Variants in ING3 observed in about 807,000 individuals in gnomAD.
ING3 encodes inhibitor of growth protein 3.
In ING3, 6 loss-of-function variants were observed where a neutral mutation model predicts 64.8. The observed-to-expected ratio is 0.09, with a 90% CI of 0.05 to 0.18. ING3 has a LOEUF of 0.18. Among genes scored for constraint, ING3 ranks in the 10% least tolerant of loss-of-function variants. The pLI, the probability that ING3 is intolerant of heterozygous loss-of-function variation, is 1.00. For missense variants in ING3, 310 were observed against 489.7 expected, an observed-to-expected ratio of 0.63 and a Z score of 3.46; for synonymous variants, 170 against 173.7, an observed-to-expected ratio of 0.98 and a Z score of 0.17.
chr7:120,959,630 A>ATTTTTTTTTT (rs397889009), intron 4 of ING3, among the ~76,000 whole-genome samples: 6 of 55,702 alleles, frequency 1.1e-4, no homozygotes, highest in East Asian at 5.5e-4. Flanking sequence ...ACTTCCTCAC[A>ATTTTTTTTTT]TTTTTTTTTT....
intron 4 of ING3, among the ~76,000 whole-genome samples, chr7:120,964,473 G>C (rs2525719): frequency 6.6e-6 from 1 of 151,830 alleles, no homozygotes; most frequent in Non-Finnish European, 1.5e-5. Context: ...TTCATGTCCT[G>C]ACTTCTGAAA....
intron 2 of ING3, 29 bp downstream of exon 2, chr7:120,951,264 C>A: frequency 6.2e-7 from 1 of 1,606,934 alleles, no homozygotes; most frequent in Non-Finnish European, 8.5e-7. Flanking sequence ...TACTCCTGTT[C>A]GCTGCGCGCG....
chr7:120,961,471 C>T (rs753834814), intron 4 of ING3, among the ~76,000 whole-genome samples: 4 of 152,146 alleles, frequency 2.6e-5, no homozygotes, highest in Non-Finnish European at 5.9e-5. Flanking sequence ...GTATTGGAAG[C>T]AGTAGATCAT....
rs2721373 is a variant in ING3, at chr7:120,967,290, G to A, written c.437-239G>A. Among the ~76,000 whole-genome samples the A allele has an allele frequency of 2.6e-3, 398 of 152,242 alleles. 1 individual carries two copies. The highest frequency in any genetic ancestry group is 9.3e-3 in the African/African-American group (388 of 41,556). On this transcript the variant is annotated intron_variant, in intron 6 of 11. Coordinates refer to ENST00000315870, the MANE Select transcript of ING3 (RefSeq NM_019071.3). ...CCCTCACATTGTATGTGAGCCCATG[G>A]TGTATCTTGGGTTATCTTTAGTACT...
At position 120,973,664 on chromosome 7, in the gene ING3, C is replaced by G. The variant is rs557389971; in HGVS notation, c.1140+421C>G. ...GGATCTAATGTGAGATTATCTTCCTCTCATGAGTATAATATTTTTTCCTGT... is the reference window on the plus strand; with the variant it reads ...GGATCTAATGTGAGATTATCTTCCTGTCATGAGTATAATATTTTTTCCTGT... On this transcript the variant is annotated intron_variant, in intron 11 of 11. Transcript: ENST00000315870. Among the ~76,000 whole-genome samples, 4 of 152,232 alleles carry G rather than the reference C, an allele frequency of 2.6e-5. No homozygotes were observed. In the South Asian group the frequency reaches 8.3e-4, roughly 32 times the overall value.
intron 4 of ING3, among the ~76,000 whole-genome samples, chr7:120,958,682 C>T (rs1795886319): frequency 6.6e-6 from 1 of 152,238 alleles, no homozygotes; most frequent in African/African-American, 2.4e-5. Flanking sequence ...ATCTTTGCTT[C>T]ATCACTTATG....
At chr7:120,965,757 T>C (rs1795989362) in intron 5 of ING3, among the ~76,000 whole-genome samples, 1 of 152,206 alleles carries the variant, frequency 6.6e-6, no homozygotes, top group African/African-American at 2.4e-5. Flanking sequence ...CATAGTTGCA[T>C]TTTTGTGTTC....
intron 4 of ING3, among the ~76,000 whole-genome samples, chr7:120,961,375 T>C (rs1795931032): frequency 1.3e-5 from 2 of 152,182 alleles, no homozygotes; most frequent in South Asian, 4.1e-4. Flanking sequence ...TTTAACTTAC[T>C]GCTGTCTATT....
Position 120,975,833 on chromosome 7 carries a change from G to T in ING3, c.*989G>T, listed in dbSNP as rs1006059956. ...AGAATACAGGAAAGACATTTTTAAT[G>T]TAAATTTGAAATGCCAATGTATTTT... is the stretch of plus-strand genomic sequence containing the variant. On this transcript the variant is annotated 3_prime_UTR_variant, in exon 12 of 12. Coordinates refer to ENST00000315870, the MANE Select transcript of ING3 (RefSeq NM_019071.3). 2.6e-5 allele frequency: 4 copies of T among 152,144 alleles called. No homozygotes were observed. Among genetic ancestry groups the T allele is most frequent in the African/African-American group, 9.7e-5 (4 of 41,442 alleles). 9.4% of individuals were successfully genotyped at this position (152,144 alleles called of 1,614,324 possible).
intron 10 of ING3, among the ~76,000 whole-genome samples, chr7:120,972,013 T>A (rs1419877912): frequency 6.6e-6 from 1 of 152,164 alleles, no homozygotes; most frequent in Non-Finnish European, 1.5e-5. Flanking sequence ...TTTGACCATT[T>A]TTGTTTTTTA....
chr7:120,969,973 A>G (rs941194943), intron 9 of ING3, among the ~76,000 whole-genome samples: 1 of 152,182 alleles, frequency 6.6e-6, no homozygotes. Context: ...ATTTCTTATG[A>G]TAAAGTTCTA....
chr7:120,951,008 A>G, intron 1 of ING3, 84 bp downstream of exon 1: 9 of 619,430 alleles, frequency 1.5e-5, no homozygotes, highest in Non-Finnish European at 2.3e-5. Flanking sequence ...AGATGGCGGG[A>G]GGGAGGGGGC....
At chr7:120,960,839 T>TA (rs1795924055) in intron 4 of ING3, among the ~76,000 whole-genome samples, 1 of 152,198 alleles carries the variant, frequency 6.6e-6, no homozygotes, top group Admixed American at 6.5e-5. Flanking sequence ...GTTAAATACT[T>TA]ATTTGTGTTT....
At chr7:120,958,127 C>G (rs1396816326) in intron 4 of ING3, among the ~76,000 whole-genome samples, 1 of 152,152 alleles carries the variant, frequency 6.6e-6, no homozygotes, top group African/African-American at 2.4e-5. Flanking sequence ...TCTGAGGCTT[C>G]TTTTTGTCTT....
rs778248054 is a variant in ING3 at position 120,977,040 on chromosome 7, A to G, written c.*2196A>G. ...ATAGTAAGTATTTTTGGTATTATAA[A>G]ATACACATTCAAAATCTCTGTTGTA... On this transcript the variant is annotated 3_prime_UTR_variant, in exon 12 of 12. Transcript: ENST00000315870. The G allele has an allele frequency of 2.0e-5, 3 of 152,206 alleles. No individual in the cohort carries two copies. Among genetic ancestry groups the G allele is most frequent in the Non-Finnish European group, 4.4e-5 (3 of 68,042 alleles). 9.4% of individuals were successfully genotyped at this position (152,206 alleles called of 1,614,324 possible). A position where few individuals can be genotyped will look rare whatever the true frequency, so the allele number is the denominator to read the frequency against.
intron 4 of ING3, 194 bp downstream of exon 4, chr7:120,955,818 G>GTACATTAA: frequency 1.7e-6 from 1 of 596,700 alleles, no homozygotes; most frequent in Non-Finnish European, 3.0e-6. Context: ...TAGTTAATGT[G>GTACATTAA]GTGAGAACTG....
Position 120,974,952 on chromosome 7 carries a change from C to T in ING3, c.*108C>T, listed in dbSNP as rs567907827. ...GAAACAATGCATTTCCAGGCAACCA[C>T]TTAAAGGATTTACATAGACAATCCT... On this transcript the variant is annotated 3_prime_UTR_variant, in exon 12 of 12. Coordinates refer to ENST00000315870, the MANE Select transcript of ING3 (RefSeq NM_019071.3). 1 of 687,584 alleles carries T rather than the reference C, an allele frequency of 1.5e-6. No individual in the cohort carries two copies. The highest frequency in any genetic ancestry group is 2.9e-5 in the Admixed American group (1 of 35,020). The allele number at this position is 687,584 out of a possible 1,614,324, so 42.6% of individuals were successfully genotyped here. A position where few individuals can be genotyped will look rare whatever the true frequency, so the allele number is the denominator to read the frequency against.
In ING3 at chr7:120,974,998, T is replaced by G; in HGVS notation, c.*154T>G. 4 of 468,430 alleles carry G rather than the reference T, an allele frequency of 8.5e-6. No homozygotes were observed. The South Asian group carries it at 1.1e-4, about 13-fold the overall frequency. The allele number at this position is 468,430 out of a possible 1,614,324, so 29.0% of individuals were successfully genotyped here. Reference sequence around the variant, plus strand: ...ATCCTATAAGATCTTGAACTTGAATTTTATGGGTTGTATTTTAATAATGTA... The same window carrying G: ...ATCCTATAAGATCTTGAACTTGAATGTTATGGGTTGTATTTTAATAATGTA... On this transcript the variant is annotated 3_prime_UTR_variant, in exon 12 of 12. Coordinates refer to ENST00000315870, the MANE Select transcript of ING3 (RefSeq NM_019071.3).
intron 4 of ING3, chr7:120,956,409 C>CACGTACTG (rs1795848096): frequency 7.9e-7 from 1 of 1,268,920 alleles, no homozygotes; most frequent in Non-Finnish European, 1.0e-6. Context: ...TATTACTGAA[C>CACGTACTG]AAGTACGTGT....
Sources: gnomAD v4.1 joint callset for allele counts (sites outside exome capture counted in the v4.1 genomes callset) on GRCh38, gnomAD v4.1.1 for gene constraint, MANE v1.5 for transcripts, NCBI Gene and HGNC (gene_info 2026-07-23, HGNC 2026-07-21) for gene names.